The following SH3PXD2B variants were observed in gnomAD, a reference collection of about 807,000 sequenced individuals.
The protein encoded by SH3PXD2B is SH3 and PX domain-containing protein 2B.
In SH3PXD2B, 37 loss-of-function variants were observed where a neutral mutation model predicts 73.1. That is an observed-to-expected ratio of 0.51 (90% CI 0.39 to 0.67). The LOEUF is 0.67. Among genes scored for constraint, SH3PXD2B ranks in the 30% least tolerant of loss-of-function variants. The probability of loss-of-function intolerance (pLI) is 0.00; values close to 1 mark genes in which losing one functional copy is unlikely to be tolerated. For missense variants in SH3PXD2B, 1,053 were observed against 1,197.8 expected (o/e 0.88, Z 1.78); for synonymous variants, 457 against 480.5 (o/e 0.95, Z 0.64).
At chr5:172,371,481 A>G (rs928656883) in intron 6 of SH3PXD2B, among the ~76,000 whole-genome samples, 1 of 152,216 alleles carries the variant, frequency 6.6e-6, no homozygotes, top group Non-Finnish European at 1.5e-5. Flanking sequence ...TAGTCTGTCA[A>G]TGTTAGATCC....
chr5:172,368,663 T>TATATATATATAAAATATATATA lies in SH3PXD2B; in HGVS notation c.427+5126_427+5127insTATATATATTTTATATATATAT, dbSNP rs1757620711. ...TGTTATATATATAAAATATATATAT[T>TATATATATATAAAATATATATA]ATATATATATAAAATATATATGTTA... On this transcript the variant is annotated intron_variant, in intron 6 of 12. Transcript: ENST00000311601. 5.5e-5 allele frequency among the ~76,000 whole-genome samples: 2 copies of TATATATATATAAAATATATATA among 36,122 alleles called. 1 individual carries two copies. The highest frequency in any genetic ancestry group is 7.8e-5 in the Non-Finnish European group (2 of 25,600). 23.7% of individuals were successfully genotyped at this position (36,122 alleles called of 152,430 possible). A position where few individuals can be genotyped will look rare whatever the true frequency, so the allele number is the denominator to read the frequency against.
chr5:172,425,516 C>T (rs1581329886), intron 1 of SH3PXD2B, among the ~76,000 whole-genome samples: 1 of 151,844 alleles, frequency 6.6e-6, no homozygotes, highest in East Asian at 1.9e-4. Flanking sequence ...AAAGGGCGTA[C>T]AGGGAAAAAG....
chr5:172,403,526 G>A (rs992408541), intron 3 of SH3PXD2B, among the ~76,000 whole-genome samples: 1 of 152,138 alleles, frequency 6.6e-6, no homozygotes, highest in Non-Finnish European at 1.5e-5. Context: ...GCCACAAGTG[G>A]GTGCCTTGAG....
At position 172,346,251 on chromosome 5, in the gene SH3PXD2B, A is replaced by G; in HGVS notation, c.1073T>C (p.Leu358Pro). 6.2e-7 allele frequency: 1 copy of G among 1,613,870 alleles called. No individual in the cohort carries two copies. The stretch of plus-strand genomic sequence containing the variant: ...CGGGATGGGCGGCTTCGGCAGGTTG[A>G]GGCCTCGAGGCTGGTACGATCACAC... ...PRRDMTIPRG[L>P]NLPKPPIPPQ... The change falls in exon 12 of 13, where the codon CTC (leucine) becomes CCC (proline). Residue 358 changes from leucine to proline, a missense_variant. Around this residue, in one of 2 missense-constraint regions of SH3PXD2B, gnomAD observed 466 missense variants for 607.1 expected, o/e 0.77. Coordinates refer to ENST00000311601, the MANE Select transcript of SH3PXD2B (RefSeq NM_001017995.3).
intron 4 of SH3PXD2B, among the ~76,000 whole-genome samples, chr5:172,388,032 A>G (rs1278036738): frequency 6.6e-6 from 1 of 152,190 alleles, no homozygotes; most frequent in Non-Finnish European, 1.5e-5. Flanking sequence ...TTATTGAGGA[A>G]TGATCTGCAA....
At chr5:172,363,176 GTCCATCCA>G (rs947980244) in intron 6 of SH3PXD2B, among the ~76,000 whole-genome samples, 73 of 152,034 alleles carry the variant, frequency 4.8e-4, no homozygotes, top group African/African-American at 1.8e-3. Context: ...CCATCCATCT[GTCCATCCA>G]TCCATCCATC....
Position 172,340,343 on chromosome 5 carries a change from C to T in SH3PXD2B, c.1189-427G>A, listed in dbSNP as rs568493837. On this transcript the variant is annotated intron_variant, in intron 12 of 12. Coordinates refer to ENST00000311601, the MANE Select transcript of SH3PXD2B (RefSeq NM_001017995.3). ...CTCAGAACGGGTCCCTCTGGGGATG[C>T]GTGCATTTATCTATTGACTCTCAGC... is the stretch of plus-strand genomic sequence containing the variant. Among the ~76,000 whole-genome samples the T allele has an allele frequency of 2.6e-5, 4 of 152,280 alleles. No individual in the cohort carries two copies. In the South Asian group the frequency reaches 6.2e-4, roughly 24 times the overall value.
chr5:172,434,782 G>GTTTTTGTTTTTTTTTTTTTTT (rs1554087271), intron 1 of SH3PXD2B, among the ~76,000 whole-genome samples: 8 of 66,348 alleles, frequency 1.2e-4, no homozygotes, highest in African/African-American at 3.2e-4. Flanking sequence ...ATGGCCAATG[G>GTTTTTGTTTTTTTTTTTTTTT]TTTTTTTTTT....
At chr5:172,401,756 T>C (rs560326164) in intron 3 of SH3PXD2B, among the ~76,000 whole-genome samples, 39 of 152,352 alleles carry the variant, frequency 2.6e-4, no homozygotes, top group African/African-American at 9.4e-4. Context: ...TCTCTGAACA[T>C]ACAGAACAAC....
At chr5:172,340,028 C>CA in intron 12 of SH3PXD2B, 112 bp from the exon 13 acceptor site, 1 of 1,551,810 alleles carries the variant, frequency 6.4e-7, no homozygotes, top group Non-Finnish European at 8.7e-7. Context: ...ACTGTGTACT[C>CA]AGCAGCTCCT....
rs111230322 is a variant in SH3PXD2B, at chr5:172,339,393, G to A, written c.1712C>T (p.Pro571Leu). 5,285 of 1,614,204 alleles carry A rather than the reference G, an allele frequency of 3.3e-3. 162 individuals carry two copies. The African/African-American group carries it at 0.063, about 19-fold the overall frequency. ...CTCTGGCCTCCTGCTGTCCCGGGCT[G>A]GAGGGATGTGTTTGGCTGGCATCAT... The part of the protein sequence containing the change: ...LPMMPAKHIP[P>L]ARDSRRPEPK... Residue 571 changes from proline (P) to leucine (L), a missense_variant, in exon 13 of 13, where the codon CCA becomes CTA. By Grantham distance (98) the Pro-to-Leu change is moderately conservative. Coordinates refer to ENST00000311601, the MANE Select transcript of SH3PXD2B (RefSeq NM_001017995.3). The surrounding 1 kb of genome is among the most constrained non-coding windows in gnomAD (Gnocchi z 6.1).
At chr5:172,398,429 A>C (rs919195091) in intron 3 of SH3PXD2B, among the ~76,000 whole-genome samples, 5 of 152,224 alleles carry the variant, frequency 3.3e-5, no homozygotes, top group Admixed American at 6.5e-5. Context: ...TATGTTGGGC[A>C]AGTGCTTTCA....
chr5:172,390,815 T>TGTGTGTGTGTGTGTG (rs1758168687), intron 4 of SH3PXD2B, among the ~76,000 whole-genome samples: 7 of 139,898 alleles, frequency 5.0e-5, no homozygotes, highest in African/African-American at 1.9e-4. Context: ...TTCCCGTCTT[T>TGTGTGTGTGTGTGTG]TGTGTGTGTG....
At chr5:172,402,945 G>A (rs1473216574) in intron 3 of SH3PXD2B, among the ~76,000 whole-genome samples, 17 of 152,266 alleles carry the variant, frequency 1.1e-4, no homozygotes, top group African/African-American at 4.1e-4. Context: ...AGCAGAGCCC[G>A]AGTTGTGGCT....
chr5:172,398,614 T>C (rs1394386811), intron 3 of SH3PXD2B, among the ~76,000 whole-genome samples: 1 of 152,236 alleles, frequency 6.6e-6, no homozygotes, highest in Admixed American at 6.5e-5. Context: ...TCCTGTTCAA[T>C]ATTTAGGAAT....
chr5:172,411,967 C>G (rs558113086), intron 2 of SH3PXD2B, among the ~76,000 whole-genome samples: 7 of 151,750 alleles, frequency 4.6e-5, no homozygotes, highest in Non-Finnish European at 8.8e-5. Flanking sequence ...GTGACTCCCC[C>G]CTCTCCCTCC....
rs7711630 is a variant in SH3PXD2B at position 172,387,659 on chromosome 5, T to C, written c.310-5532A>G. ...TGCAAAGAGATGTCAGACAGACAAC[T>C]GGGATTTCAAGGAGCTTCCAGAAAA... is the stretch of plus-strand genomic sequence containing the variant. On this transcript the variant is annotated intron_variant, in intron 4 of 12. Transcript: ENST00000311601. Among the ~76,000 whole-genome samples the C allele has an allele frequency of 8.2e-3, 1,247 of 152,324 alleles. 13 individuals carry two copies. Among genetic ancestry groups the C allele is most frequent in the African/African-American group, 0.021 (885 of 41,564 alleles).
chr5:172,348,653 TCCTATCTATCTA>T (rs1757061234), intron 10 of SH3PXD2B, among the ~76,000 whole-genome samples: 1 of 122,144 alleles, frequency 8.2e-6, no homozygotes, highest in Non-Finnish European at 1.9e-5. Context: ...TATCTATCTA[TCCTATCTATCTA>T]TCTATCTATC....
At chr5:172,428,906 A>G (rs1759165218) in intron 1 of SH3PXD2B, among the ~76,000 whole-genome samples, 1 of 152,230 alleles carries the variant, frequency 6.6e-6, no homozygotes, top group African/African-American at 2.4e-5. Context: ...TACTGCCTCC[A>G]GAAAGCCCTC....
Sources: allele counts gnomAD v4.1 joint callset (sites outside exome capture counted in the v4.1 genomes callset), GRCh38; gene constraint gnomAD v4.1.1; regional missense constraint gnomAD v4.1.1; non-coding constraint Gnocchi (gnomAD v3.1); transcripts MANE v1.5; gene names NCBI Gene and HGNC (gene_info 2026-07-23, HGNC 2026-07-21).